The following TOX variants were observed in gnomAD, a reference collection of about 807,000 sequenced individuals.
TOX encodes the protein thymocyte selection-associated high mobility group box protein TOX.
In TOX, 11 loss-of-function variants were observed where a neutral mutation model predicts 53.7. The observed-to-expected ratio is 0.20, with a 90% confidence interval of 0.13 to 0.34. TOX has a LOEUF of 0.34. Among genes scored for constraint, TOX ranks in the 10% least tolerant of loss-of-function variants. The pLI is 1.00. For synonymous variants in TOX, 225 were observed against 245.3 expected, an observed-to-expected ratio of 0.92 and a Z score of 0.77; for missense variants, 570 against 664.6, an observed-to-expected ratio of 0.86 and a Z score of 1.56.
chr8:58,879,883 A>G (rs1190539898), intron 3 of TOX, among the ~76,000 whole-genome samples: 1 of 152,178 alleles, frequency 6.6e-6, no homozygotes, highest in African/African-American at 2.4e-5. Context: ...CCCACATGTA[A>G]TATGTCCTTG....
At chr8:59,008,888 T>C (rs1457962435) in intron 1 of TOX, among the ~76,000 whole-genome samples, 1 of 152,228 alleles carries the variant, frequency 6.6e-6, no homozygotes, top group Non-Finnish European at 1.5e-5. Flanking sequence ...TTTAAAGCTA[T>C]AAACCACTTT....
chr8:59,080,385 C>G (rs777320763), intron 1 of TOX, among the ~76,000 whole-genome samples: 1 of 152,022 alleles, frequency 6.6e-6, no homozygotes, highest in Non-Finnish European at 1.5e-5. Context: ...CTATATTTTA[C>G]AGGCTCATAG....
At chr8:58,861,443 C>A (rs142373330) in intron 3 of TOX, among the ~76,000 whole-genome samples, 29 of 152,252 alleles carry the variant, frequency 1.9e-4, no homozygotes, top group African/African-American at 7.0e-4. Flanking sequence ...ATCTGTGCTA[C>A]AAAGTGTAGG....
At chr8:59,088,692 TC>T (rs1804555931) in intron 1 of TOX, among the ~76,000 whole-genome samples, 1 of 152,246 alleles carries the variant, frequency 6.6e-6, no homozygotes. Flanking sequence ...AATAAGGATG[TC>T]ATTTTCAATT....
In TOX at chr8:58,855,644, A is replaced by G. The variant is rs564036625; in HGVS notation, c.412-3839T>C. Among the ~76,000 whole-genome samples, 6 of 152,320 alleles carry G rather than the reference A, an allele frequency of 3.9e-5. No homozygotes were observed. In the East Asian group the frequency reaches 1.2e-3, roughly 29 times the overall value. ...TGGTCTCTTTACATCTACCCCAAAG[A>G]GTGGTACAAAATTAATCTTCATGAG... On this transcript the variant is annotated intron_variant, in intron 3 of 8. Transcript: ENST00000361421.
intron 1 of TOX, among the ~76,000 whole-genome samples, chr8:59,081,852 C>A (rs545322776): frequency 6.6e-6 from 1 of 152,112 alleles, no homozygotes; most frequent in Non-Finnish European, 1.5e-5. Context: ...GAAAAAAAAT[C>A]GAATACTGCA....
chr8:58,946,547 C>T (rs1269309585), intron 2 of TOX, among the ~76,000 whole-genome samples: 1 of 152,176 alleles, frequency 6.6e-6, no homozygotes, highest in Non-Finnish European at 1.5e-5. Context: ...GATATATGCT[C>T]AAGCCAATGA....
chr8:58,870,639 G>C (rs979348747), intron 3 of TOX, among the ~76,000 whole-genome samples: 5 of 152,032 alleles, frequency 3.3e-5, no homozygotes, highest in African/African-American at 1.2e-4. Flanking sequence ...CTTACTATAA[G>C]ACTTGCAATA....
intron 1 of TOX, among the ~76,000 whole-genome samples, chr8:59,001,421 A>G (rs453505): frequency 0.5 from 76,178 of 152,080 alleles, 21,227 homozygotes; most frequent in Non-Finnish European, 0.61. Flanking sequence ...TCACTCAGAA[A>G]CAGGCAAATA....
At chr8:59,020,768 A>G (rs1814109706) in intron 1 of TOX, among the ~76,000 whole-genome samples, 1 of 152,178 alleles carries the variant, frequency 6.6e-6, no homozygotes, top group Non-Finnish European at 1.5e-5. Context: ...ACCCTTTATA[A>G]GTATAGTAAA....
At chr8:59,105,154 C>G (rs1161259584) in intron 1 of TOX, among the ~76,000 whole-genome samples, 1 of 152,164 alleles carries the variant, frequency 6.6e-6, no homozygotes, top group Non-Finnish European at 1.5e-5. Flanking sequence ...CAAATATTCT[C>G]ATTTCATCCC....
chr8:58,981,405 T>G (rs947616175), intron 1 of TOX, among the ~76,000 whole-genome samples: 6 of 152,160 alleles, frequency 3.9e-5, no homozygotes, highest in African/African-American at 1.2e-4. Flanking sequence ...ATGGTTTTCT[T>G]TTTTTTCATT....
intron 3 of TOX, among the ~76,000 whole-genome samples, chr8:58,920,968 T>C (rs1812063435): frequency 6.6e-6 from 1 of 152,196 alleles, no homozygotes; most frequent in African/African-American, 2.4e-5. Flanking sequence ...CCTGTAAATA[T>C]GCATCTATGA....
Position 59,075,097 on chromosome 8 carries a change from C to T in TOX, c.102+43789G>A, listed in dbSNP as rs564365962. ...AAATGTATTAATATGATGAAGAAAA[C>T]GGTGCCCTCAAAGGAGACTCCTAGA... On this transcript the variant is annotated intron_variant, in intron 1 of 8. Transcript: ENST00000361421. 1.3e-3 allele frequency among the ~76,000 whole-genome samples: 192 copies of T among 152,194 alleles called. 4 individuals are homozygous for T. The South Asian group carries it at 0.038, about 30-fold the overall frequency.
intron 6 of TOX, among the ~76,000 whole-genome samples, chr8:58,819,941 T>C (rs1489890689): frequency 6.6e-6 from 1 of 152,222 alleles, no homozygotes; most frequent in South Asian, 2.1e-4. Context: ...TTGCTCCTTC[T>C]GGAAGGAAAA....
chr8:59,074,581 T>TA (rs34936883), intron 1 of TOX, among the ~76,000 whole-genome samples: 25 of 152,236 alleles, frequency 1.6e-4, no homozygotes, highest in African/African-American at 3.6e-4. Context: ...AATATTGCGT[T>TA]AAAAAAAGCA....
intron 1 of TOX, among the ~76,000 whole-genome samples, chr8:59,043,389 TTTTA>T (rs1324078474): frequency 6.6e-6 from 1 of 151,276 alleles, no homozygotes; most frequent in African/African-American, 2.4e-5. Flanking sequence ...TTTTAAGTAT[TTTTA>T]TTTATTATTA....
At chr8:58,834,723 A>G (rs532112447) in intron 5 of TOX, among the ~76,000 whole-genome samples, 6 of 152,158 alleles carry the variant, frequency 3.9e-5, no homozygotes, top group Non-Finnish European at 7.3e-5. Flanking sequence ...AGCCGGTGCA[A>G]TGTGCTCCCT....
intron 3 of TOX, among the ~76,000 whole-genome samples, chr8:58,935,671 G>A (rs751021599): frequency 3.3e-5 from 5 of 152,048 alleles, no homozygotes; most frequent in South Asian, 2.1e-4. Context: ...CACTGATGAC[G>A]TAAACTGTCC....
Sources: allele counts gnomAD v4.1 joint callset (sites outside exome capture counted in the v4.1 genomes callset), GRCh38; gene constraint gnomAD v4.1.1; transcripts MANE v1.5; gene names NCBI Gene and HGNC (gene_info 2026-07-23, HGNC 2026-07-21).